The following ERBB4 variants were observed in gnomAD, a reference collection of about 807,000 sequenced individuals.
The protein encoded by ERBB4 is receptor tyrosine-protein kinase erbB-4.
Under a neutral mutation model 158.0 loss-of-function variants are expected in ERBB4, and 42 were observed. That is an observed-to-expected ratio of 0.27 (90% CI 0.21 to 0.34). ERBB4 has a LOEUF of 0.34. Ranked by LOEUF, ERBB4 falls within the 10% of genes least tolerant of loss-of-function variation. ERBB4 has a pLI of 1.00. For synonymous variants in ERBB4, 583 were observed against 558.7 expected, an observed-to-expected ratio of 1.04 and a Z score of -0.61; for missense variants, 1,333 against 1,624.1, an observed-to-expected ratio of 0.82 and a Z score of 3.08.
At chr2:211,584,285 T>A (rs372337649) in intron 19 of ERBB4, among the ~76,000 whole-genome samples, 5 of 151,950 alleles carry the variant, frequency 3.3e-5, no homozygotes, top group African/African-American at 1.2e-4. Flanking sequence ...TTTGTTGTTA[T>A]TGTTTATATT....
chr2:212,102,513 T>A (rs2079113737), intron 2 of ERBB4, among the ~76,000 whole-genome samples: 1 of 152,140 alleles, frequency 6.6e-6, no homozygotes, highest in South Asian at 2.1e-4. Flanking sequence ...AAGGGAGGAT[T>A]GTTTCCTCTT....
At chr2:211,773,173 G>A (rs1559505331) in intron 4 of ERBB4, among the ~76,000 whole-genome samples, 1 of 150,694 alleles carries the variant, frequency 6.6e-6, no homozygotes, top group Non-Finnish European at 1.5e-5. Context: ...TGACATGACG[G>A]GAGTCCTTGG....
intron 16 of ERBB4, among the ~76,000 whole-genome samples, chr2:211,633,640 A>G (rs1574896536): frequency 6.8e-6 from 1 of 147,794 alleles, no homozygotes; most frequent in Admixed American, 6.8e-5. Flanking sequence ...TCTTGAGGTA[A>G]TGTATTAATT....
chr2:212,336,156 A>G (rs1411575516), intron 1 of ERBB4, among the ~76,000 whole-genome samples: 1 of 151,992 alleles, frequency 6.6e-6, no homozygotes, highest in African/African-American at 2.4e-5. Flanking sequence ...GTGTTTTACC[A>G]TACTTCAATT....
chr2:211,469,724 C>T (rs998720735), intron 20 of ERBB4, among the ~76,000 whole-genome samples: 6 of 152,154 alleles, frequency 3.9e-5, no homozygotes, highest in African/African-American at 1.4e-4. Context: ...TAAATCGCAT[C>T]TTAGTCATAT....
chr2:212,022,386 C>T lies in ERBB4; in HGVS notation c.235-74770G>A, dbSNP rs575889173. ...AACCAGATCGTGTCATTTGCAGGGACGTGGATGAAGCTGGAAGCCATTATC... is the reference window on the plus strand; with the variant it reads ...AACCAGATCGTGTCATTTGCAGGGATGTGGATGAAGCTGGAAGCCATTATC... On this transcript the variant is annotated intron_variant, in intron 2 of 27. Transcript: ENST00000342788. Among the ~76,000 whole-genome samples, 8 of 152,192 alleles carry T rather than the reference C, an allele frequency of 5.3e-5. No homozygotes were observed. The South Asian group carries it at 1.5e-3, about 28-fold the overall frequency.
chr2:211,961,857 T>C (rs1309159969), intron 2 of ERBB4, among the ~76,000 whole-genome samples: 1 of 152,166 alleles, frequency 6.6e-6, no homozygotes, highest in Non-Finnish European at 1.5e-5. Flanking sequence ...GAGGAACTTA[T>C]GTCACATGTC....
intron 1 of ERBB4, among the ~76,000 whole-genome samples, 178 bp downstream of exon 1, chr2:212,538,271 G>A (rs576996765): frequency 2.0e-5 from 3 of 152,276 alleles, no homozygotes; most frequent in Admixed American, 6.5e-5. Context: ...TAAAGCAAAC[G>A]CACACATACA....
rs71397161 is a variant in ERBB4 at position 212,147,157 on chromosome 2, A to ATTTTTTTTTTT, written c.83-22265_83-22255dup. Among the ~76,000 whole-genome samples the ATTTTTTTTTTT allele has an allele frequency of 1.5e-3, 52 of 34,262 alleles. 5 individuals carry two copies. Among genetic ancestry groups the ATTTTTTTTTTT allele is most frequent in the African/African-American group, 2.6e-3 (19 of 7,434 alleles). 22.5% of individuals were successfully genotyped at this position (34,262 alleles called of 152,430 possible). A position where few individuals can be genotyped will look rare whatever the true frequency, so the allele number is the denominator to read the frequency against. On this transcript the variant is annotated intron_variant, in intron 1 of 27. Coordinates refer to ENST00000342788, the MANE Select transcript of ERBB4 (RefSeq NM_005235.3). ...AGGGGCATGCCACCATGCCCAGCTA[A>ATTTTTTTTTTT]TTTTTTTTTTTTTTTTTTTTTTTTT...
intron 2 of ERBB4, among the ~76,000 whole-genome samples, chr2:212,006,890 T>C (rs905617757): frequency 2.6e-5 from 4 of 152,054 alleles, no homozygotes; most frequent in African/African-American, 9.7e-5. Context: ...CATTTTAACT[T>C]CACTGAGATT....
chr2:211,732,957 A>C (rs2074475682), intron 5 of ERBB4, among the ~76,000 whole-genome samples: 1 of 152,200 alleles, frequency 6.6e-6, no homozygotes. Flanking sequence ...AGCCTGCGTG[A>C]CTGAGTGAGA....
At chr2:212,168,653 C>A (rs1461384650) in intron 1 of ERBB4, among the ~76,000 whole-genome samples, 7 of 152,068 alleles carry the variant, frequency 4.6e-5, no homozygotes, top group Non-Finnish European at 1.0e-4. Context: ...TTCAACAGGG[C>A]TTATCCCAGA....
At chr2:212,319,765 T>A (rs1232971692) in intron 1 of ERBB4, among the ~76,000 whole-genome samples, 1 of 150,336 alleles carries the variant, frequency 6.7e-6, no homozygotes, top group African/African-American at 2.4e-5. Context: ...GATTTCCAAG[T>A]TAGTAAGCAA....
intron 1 of ERBB4, among the ~76,000 whole-genome samples, chr2:212,170,769 A>G (rs1575741822): frequency 6.6e-6 from 1 of 152,174 alleles, no homozygotes; most frequent in Non-Finnish European, 1.5e-5. Context: ...GAAGTCAAGA[A>G]TTGAGGTTTG....
chr2:211,598,498 G>A (rs2068703868), intron 19 of ERBB4, among the ~76,000 whole-genome samples: 1 of 152,120 alleles, frequency 6.6e-6, no homozygotes, highest in South Asian at 2.1e-4. Context: ...ACATCTGTTT[G>A]GAATATGTTA....
rs1412580053 is a variant in ERBB4 at position 211,736,955 on chromosome 2, G to T, written c.623-11761C>A. Among the ~76,000 whole-genome samples, 5 of 152,070 alleles carry T rather than the reference G, an allele frequency of 3.3e-5. 1 individual carries two copies. The highest frequency in any genetic ancestry group is 2.1e-4 in the South Asian group (1 of 4,818). On this transcript the variant is annotated intron_variant, in intron 5 of 27. Coordinates refer to ENST00000342788, the MANE Select transcript of ERBB4 (RefSeq NM_005235.3). ...TATAATCTCTCTGCTCAGGACAAAAGTTCGGAAGTCCTCAACATTTACCAA... is the reference window on the plus strand; with the variant it reads ...TATAATCTCTCTGCTCAGGACAAAATTTCGGAAGTCCTCAACATTTACCAA...
chr2:211,771,562 T>A (rs1247881201), intron 4 of ERBB4, among the ~76,000 whole-genome samples: 1 of 152,196 alleles, frequency 6.6e-6, no homozygotes, highest in Non-Finnish European at 1.5e-5. Context: ...AAAGTTAGCA[T>A]GAGTGCAGGT....
chr2:211,772,955 AT>A (rs1328976588), intron 4 of ERBB4, among the ~76,000 whole-genome samples: 12 of 83,296 alleles, frequency 1.4e-4, no homozygotes, highest in Middle Eastern at 6.6e-3. Flanking sequence ...ATATATATAT[AT>A]TTTTTTTTTT....
intron 1 of ERBB4, among the ~76,000 whole-genome samples, chr2:212,508,995 T>C (rs997107786): frequency 2.6e-5 from 4 of 152,140 alleles, no homozygotes; most frequent in African/African-American, 9.6e-5. Context: ...TATTTTCTAA[T>C]GTCCTTAAGA....
Sources: allele counts gnomAD v4.1 joint callset (sites outside exome capture counted in the v4.1 genomes callset), GRCh38; gene constraint gnomAD v4.1.1; transcripts MANE v1.5; gene names NCBI Gene and HGNC (gene_info 2026-07-23, HGNC 2026-07-21).